Variants in TNRC6B observed in about 807,000 individuals in gnomAD.
TNRC6B encodes the protein trinucleotide repeat-containing gene 6B protein.
In TNRC6B, 52 loss-of-function variants were observed where a neutral mutation model predicts 203.6. That is an observed-to-expected ratio of 0.26 (90% CI 0.20 to 0.32). The LOEUF is 0.32. Among genes scored for constraint, TNRC6B ranks in the 10% least tolerant of loss-of-function variants. The pLI, the probability that TNRC6B is intolerant of heterozygous loss-of-function variation, is 1.00. For synonymous variants in TNRC6B, 838 were observed against 845.7 expected (o/e 0.99, Z 0.16); for missense variants, 1,923 against 2,286.2 (o/e 0.84, Z 3.24).
At chr22:40,227,358 C>CTTTTTTTTT (rs71199278) in intron 1 of TNRC6B, among the ~76,000 whole-genome samples, 1 of 70,954 alleles carries the variant, frequency 1.4e-5, no homozygotes, top group Non-Finnish European at 2.7e-5. Flanking sequence ...CTGAAATTAC[C>CTTTTTTTTT]TTTTTTTTTT....
At chr22:40,297,653 C>A (rs1042712886) in intron 12 of TNRC6B, among the ~76,000 whole-genome samples, 1 of 152,022 alleles carries the variant, frequency 6.6e-6, no homozygotes, top group African/African-American at 2.4e-5. Context: ...AAAACCCCGT[C>A]TCTACTAAAA....
intron 1 of TNRC6B, 45 bp from the exon 2 acceptor site, chr22:40,245,970 G>A: frequency 6.9e-7 from 1 of 1,450,380 alleles, no homozygotes; most frequent in Non-Finnish European, 9.2e-7. Flanking sequence ...GAAATGGATT[G>A]TGAATGTAGA....
At chr22:40,318,665 A>C (rs1241889586) in intron 21 of TNRC6B, among the ~76,000 whole-genome samples, 2 of 152,052 alleles carry the variant, frequency 1.3e-5, no homozygotes, top group African/African-American at 4.8e-5. Flanking sequence ...ATTTTCTAAG[A>C]GTTGTCACAC....
chr22:40,059,875 T>C (rs981648845), intron 1 of TNRC6B, among the ~76,000 whole-genome samples: 54 of 145,842 alleles, frequency 3.7e-4, no homozygotes, highest in African/African-American at 1.3e-3. Flanking sequence ...CAGGCTGGAG[T>C]GCACTGGTGC....
At chr22:40,273,637 C>G in intron 7 of TNRC6B, 37 bp downstream of exon 7, 1 of 1,522,292 alleles carries the variant, frequency 6.6e-7, no homozygotes, top group South Asian at 1.3e-5. Flanking sequence ...TGCTCATTCG[C>G]TCTGAGAAGG....
chr22:40,179,400 C>T (rs1601862454), intron 1 of TNRC6B, among the ~76,000 whole-genome samples: 1 of 152,066 alleles, frequency 6.6e-6, no homozygotes, highest in East Asian at 1.9e-4. Flanking sequence ...GCCTTGTTTT[C>T]TTTTCTCTTT....
At chr22:40,061,868 G>A (rs188229316) in intron 1 of TNRC6B, among the ~76,000 whole-genome samples, 12 of 152,210 alleles carry the variant, frequency 7.9e-5, no homozygotes, top group Admixed American at 2.0e-4. Context: ...GACGTCAGGA[G>A]TTCGAGACCA....
intron 2 of TNRC6B, among the ~76,000 whole-genome samples, chr22:40,118,817 G>T (rs2068415710): frequency 6.6e-6 from 1 of 152,176 alleles, no homozygotes; most frequent in Non-Finnish European, 1.5e-5. Context: ...ATCCACTGGA[G>T]GCACTGAGGA....
intron 3 of TNRC6B, among the ~76,000 whole-genome samples, chr22:40,252,328 G>A (rs1282423785): frequency 6.6e-6 from 1 of 152,224 alleles, no homozygotes; most frequent in Non-Finnish European, 1.5e-5. Flanking sequence ...CACTGCCTTA[G>A]ATGAAGGGAA....
intron 1 of TNRC6B, among the ~76,000 whole-genome samples, chr22:40,206,742 A>G (rs551561881): frequency 4.6e-5 from 7 of 152,148 alleles, no homozygotes; most frequent in Non-Finnish European, 7.4e-5. Flanking sequence ...AAGCCTAGAC[A>G]AGACCGCCAC....
chr22:40,194,131 T>C (rs918311059), intron 1 of TNRC6B, among the ~76,000 whole-genome samples: 2 of 151,988 alleles, frequency 1.3e-5, no homozygotes, highest in Non-Finnish European at 2.9e-5. Context: ...AGGTTGAGAA[T>C]AAAAGAACCA....
intron 1 of TNRC6B, among the ~76,000 whole-genome samples, chr22:40,096,384 G>A (rs554239964): frequency 3.9e-5 from 6 of 152,200 alleles, no homozygotes; most frequent in Non-Finnish European, 8.8e-5. Context: ...TCTTTTAGAA[G>A]CATCTACATT....
chr22:40,195,542 A>T (rs1039272817), intron 1 of TNRC6B, among the ~76,000 whole-genome samples: 1 of 152,004 alleles, frequency 6.6e-6, no homozygotes, highest in Non-Finnish European at 1.5e-5. Flanking sequence ...AGCTCACTAC[A>T]GCCTCAAACT....
intron 4 of TNRC6B, among the ~76,000 whole-genome samples, chr22:40,164,491 A>C (rs1005382870): frequency 4.0e-5 from 6 of 150,440 alleles, no homozygotes; most frequent in African/African-American, 1.2e-4. Context: ...GACCAGGCAC[A>C]GTGGCTCAAT....
intron 1 of TNRC6B, among the ~76,000 whole-genome samples, chr22:40,234,529 G>A (rs1001645063): frequency 1.3e-5 from 2 of 152,082 alleles, no homozygotes; most frequent in Admixed American, 6.6e-5. Context: ...AAGAATCTGC[G>A]TTTAACAAGA....
intron 1 of TNRC6B, among the ~76,000 whole-genome samples, chr22:40,204,872 G>A (rs951859527): frequency 2.0e-5 from 3 of 152,190 alleles, no homozygotes; most frequent in Admixed American, 6.5e-5. Context: ...TAGGAAAAAT[G>A]TAGTTGGTTT....
Position 40,315,334 on chromosome 22 carries a change from A to G in TNRC6B, c.4730A>G (p.Asn1577Ser). The change falls in exon 20 of 23, where the codon AAC becomes AGC. Residue 1577 changes from asparagine (N) to serine (S), a missense_variant. By Grantham distance (46) the Asn-to-Ser change is conservative. Coordinates refer to ENST00000454349, the MANE Select transcript of TNRC6B (RefSeq NM_001162501.2). ...STWSPDPIGHNPTHLSNKMWK... is the reference protein window; with the variant it reads ...STWSPDPIGHSPTHLSNKMWK... The stretch of plus-strand genomic sequence containing the variant: ...TGGTCCCCAGATCCCATAGGACACA[A>G]CCCCACTCATCTCTCCAACAAGATG... 5 of 1,613,918 alleles carry G rather than the reference A, an allele frequency of 3.1e-6. No individual in the cohort carries two copies. Among genetic ancestry groups the G allele is most frequent in the Non-Finnish European group, 4.2e-6 (5 of 1,179,876 alleles).
At chr22:40,321,312 A>G (rs2146579404) in intron 22 of TNRC6B, 83 bp downstream of exon 22, 3 of 1,494,848 alleles carry the variant, frequency 2.0e-6, no homozygotes, top group Non-Finnish European at 2.7e-6. Flanking sequence ...TGAATTAAAG[A>G]TGCACCAGAA....
chr22:40,096,458 T>A (rs964453007), intron 1 of TNRC6B, among the ~76,000 whole-genome samples: 9 of 152,154 alleles, frequency 5.9e-5, no homozygotes, highest in African/African-American at 2.2e-4. Context: ...AGCATACAGG[T>A]GGTGTGATAA....
Sources: allele counts gnomAD v4.1 joint callset (sites outside exome capture counted in the v4.1 genomes callset), GRCh38; gene constraint gnomAD v4.1.1; transcripts MANE v1.5; gene names NCBI Gene and HGNC (gene_info 2026-07-23, HGNC 2026-07-21).